MAP2K5: variants seen among roughly 807,000 people sequenced by gnomAD.
MAP2K5 encodes the protein dual specificity mitogen-activated protein kinase kinase 5.
Under a neutral mutation model 83.1 loss-of-function variants are expected in MAP2K5, and 49 were observed. The ratio of observed to expected loss-of-function variants is 0.59; its 90% CI spans 0.47 to 0.75. The LOEUF is 0.75. Ranked by LOEUF, MAP2K5 falls within the 30% of genes least tolerant of loss-of-function variation. MAP2K5 has a pLI of 0.00. For synonymous variants in MAP2K5, 202 were observed against 191.8 expected (o/e 1.05, Z -0.44); for missense variants, 457 against 557.5 (o/e 0.82, Z 1.82).
chr15:67,598,551 C>A, intron 7 of MAP2K5, among the ~76,000 whole-genome samples: 1 of 152,208 alleles, frequency 6.6e-6, no homozygotes, highest in East Asian at 1.9e-4. Context: ...TGTGCCCTGA[C>A]AGTGTTGGAT....
intron 2 of MAP2K5, among the ~76,000 whole-genome samples, chr15:67,551,806 A>G (rs1030638918): frequency 3.9e-5 from 6 of 152,240 alleles, no homozygotes; most frequent in African/African-American, 1.4e-4. Context: ...TAATGGATTA[A>G]TAAATTACTA....
intron 7 of MAP2K5, among the ~76,000 whole-genome samples, chr15:67,595,155 A>C (rs764607520): frequency 2.6e-5 from 4 of 152,232 alleles, no homozygotes; most frequent in Non-Finnish European, 5.9e-5. Flanking sequence ...ATGATTCTTC[A>C]AGATAATCAA....
At chr15:67,618,466 A>G (rs928234289) in intron 8 of MAP2K5, among the ~76,000 whole-genome samples, 3 of 152,164 alleles carry the variant, frequency 2.0e-5, no homozygotes, top group African/African-American at 7.2e-5. Context: ...TATCATCTGT[A>G]TGCTGAGGAA....
At chr15:67,675,669 AG>A (rs1840526687) in intron 13 of MAP2K5, among the ~76,000 whole-genome samples, 1 of 152,232 alleles carries the variant, frequency 6.6e-6, no homozygotes, top group Admixed American at 6.5e-5. Flanking sequence ...GTAAATCTAT[AG>A]TTATCTCAAA....
chr15:67,624,285 G>A (rs889263172), intron 8 of MAP2K5, among the ~76,000 whole-genome samples: 1 of 147,552 alleles, frequency 6.8e-6, no homozygotes, highest in African/African-American at 2.5e-5. Context: ...CTGGCAGTGA[G>A]CCGAGATCGC....
chr15:67,659,163 A>G (rs949762491), intron 12 of MAP2K5: 1 of 193,466 alleles, frequency 5.2e-6, no homozygotes, highest in Non-Finnish European at 1.1e-5. Context: ...TAATATACTG[A>G]TGAAATATAT....
rs2084330348 is a variant in MAP2K5, at chr15:67,543,258, G to T, written c.-78G>T. On this transcript the variant is annotated 5_prime_UTR_variant, in exon 1 of 22. Coordinates refer to ENST00000178640, the MANE Select transcript of MAP2K5 (RefSeq NM_145160.3). This position sits in a 1 kb window ranked among gnomAD's most constrained non-coding sequence, Gnocchi z 4.3. ...CTGTCCTCTGCCCGTCACTCCCCTT[G>T]TCACCTCTTGGAGCCCCCTCCTAAC... 5 of 1,487,544 alleles carry T rather than the reference G, an allele frequency of 3.4e-6. No homozygotes were observed. The South Asian group carries it at 5.9e-5, about 17-fold the overall frequency. 92.1% of individuals were successfully genotyped at this position (1,487,544 alleles called of 1,614,324 possible).
Position 67,774,161 on chromosome 15 carries a change from GTGTGTA to G in MAP2K5, c.1242+1415_1242+1420del, listed in dbSNP as rs1383000754. On this transcript the variant is annotated intron_variant, in intron 21 of 21. Coordinates refer to ENST00000178640, the MANE Select transcript of MAP2K5 (RefSeq NM_145160.3). The surrounding 1 kb of genome is among the most constrained non-coding windows in gnomAD (Gnocchi z 4.9). ...TCAGTGCCTTGAAAGCAAGTGATGT[GTGTGTA>G]TGTGTGTGTGTGTGTGTGTGTGTGT... is the stretch of plus-strand genomic sequence containing the variant. 5.1e-4 allele frequency among the ~76,000 whole-genome samples: 20 copies of G among 39,262 alleles called. No individual in the cohort carries two copies. In the South Asian group the frequency reaches 6.3e-3, roughly 12 times the overall value. The allele number at this position is 39,262 out of a possible 152,430, so 25.8% of individuals were successfully genotyped here. A position where few individuals can be genotyped will look rare whatever the true frequency, so the allele number is the denominator to read the frequency against.
intron 8 of MAP2K5, among the ~76,000 whole-genome samples, chr15:67,606,719 T>C (rs534405082): frequency 6.6e-6 from 1 of 152,326 alleles, no homozygotes; most frequent in East Asian, 1.9e-4. Flanking sequence ...GCTGGAATCA[T>C]ATTAGCTCAT....
intron 21 of MAP2K5, among the ~76,000 whole-genome samples, chr15:67,804,542 G>A (rs1387454153): frequency 6.6e-6 from 1 of 152,258 alleles, no homozygotes; most frequent in Non-Finnish European, 1.5e-5. Flanking sequence ...GGGGCACTTG[G>A]GCAAACTGCC....
intron 21 of MAP2K5, among the ~76,000 whole-genome samples, chr15:67,787,086 A>T (rs4238411): frequency 0.41 from 62,317 of 152,012 alleles, 13,573 homozygotes; most frequent in East Asian, 0.7. Context: ...AGTTGGACGC[A>T]CTTGTTGGTT....
chr15:67,792,051 G>A (rs1398309078), intron 21 of MAP2K5, among the ~76,000 whole-genome samples: 1 of 152,202 alleles, frequency 6.6e-6, no homozygotes, highest in Non-Finnish European at 1.5e-5. Context: ...CTGCTCACCT[G>A]CATTGGTGAG....
chr15:67,590,483 C>CTCTCTCTCTCTCTCTT (rs2085382535), intron 6 of MAP2K5, among the ~76,000 whole-genome samples: 2 of 143,526 alleles, frequency 1.4e-5, no homozygotes, highest in Non-Finnish European at 1.5e-5. Flanking sequence ...CTCTTTGTTT[C>CTCTCTCTCTCTCTCTT]TTTTTGAGAC....
chr15:67,549,265 T>C, intron 1 of MAP2K5: 1 of 1,391,278 alleles, frequency 7.2e-7, no homozygotes, highest in Non-Finnish European at 9.8e-7. Context: ...TTCATGTGTT[T>C]TCAACTTTAT....
Position 67,600,748 on chromosome 15 carries a change from A to G in MAP2K5, c.544A>G (p.Lys182Glu). ...LGHGNGGTVYKAYHVPSGKIL... is the reference protein window; with the variant it reads ...LGHGNGGTVYEAYHVPSGKIL... Reference sequence around the variant, plus strand: ...TCATGGCAACGGAGGCACAGTCTACAAGTGAGTAGTCAATTTTGTTTAAAC... The same window carrying G: ...TCATGGCAACGGAGGCACAGTCTACGAGTGAGTAGTCAATTTTGTTTAAAC... Residue 182 changes from lysine (K) to glutamate (E), a missense_variant and splice_region_variant, in exon 8 of 22, where the codon AAA becomes GAA. Physicochemically the swap from Lys to Glu is moderately conservative, Grantham distance 56. Around this residue, in one of 3 missense-constraint regions of MAP2K5, gnomAD observed 234 missense variants for 243.6 expected, o/e 0.96. Coordinates refer to ENST00000178640, the MANE Select transcript of MAP2K5 (RefSeq NM_145160.3). The G allele has an allele frequency of 6.2e-7, 1 of 1,600,274 alleles. No individual in the cohort carries two copies. Among genetic ancestry groups the G allele is most frequent in the South Asian group, 1.1e-5 (1 of 88,622 alleles).
chr15:67,631,664 A>G (rs796408587), intron 9 of MAP2K5, among the ~76,000 whole-genome samples: 7 of 152,284 alleles, frequency 4.6e-5, no homozygotes, highest in African/African-American at 1.4e-4. Flanking sequence ...ACTTGTTCCC[A>G]TGCAATTCAT....
intron 13 of MAP2K5, among the ~76,000 whole-genome samples, chr15:67,666,200 G>A (rs1046869760): frequency 6.6e-6 from 1 of 152,156 alleles, no homozygotes; most frequent in Non-Finnish European, 1.5e-5. Flanking sequence ...ATTCTGGCTT[G>A]TAATGAAATC....
At chr15:67,772,626 C>A in intron 20 of MAP2K5, 81 bp from the exon 21 acceptor site, 1 of 858,208 alleles carries the variant, frequency 1.2e-6, no homozygotes, top group Non-Finnish European at 1.8e-6. Context: ...AATTCCAGTA[C>A]AAATAGCCAT....
rs996726988 is a variant in MAP2K5 at position 67,561,951 on chromosome 15, C to T, written c.185-1332C>T. ...CCTCTGTACTTTCAGTAAGCATCCC[C>T]TGACCATGTTGGGCAAGCTTATTCT... On this transcript the variant is annotated intron_variant, in intron 2 of 21. Coordinates refer to ENST00000178640, the MANE Select transcript of MAP2K5 (RefSeq NM_145160.3). This position sits in a 1 kb window ranked among gnomAD's most constrained non-coding sequence, Gnocchi z 4.2. Among the ~76,000 whole-genome samples, 22 of 152,204 alleles carry T rather than the reference C, an allele frequency of 1.4e-4. No homozygotes were observed. The highest frequency in any genetic ancestry group is 5.1e-4 in the African/African-American group (21 of 41,434).
Sources: allele counts gnomAD v4.1 joint callset (sites outside exome capture counted in the v4.1 genomes callset), GRCh38; gene constraint gnomAD v4.1.1; regional missense constraint gnomAD v4.1.1; non-coding constraint Gnocchi (gnomAD v3.1); transcripts MANE v1.5; gene names NCBI Gene and HGNC (gene_info 2026-07-23, HGNC 2026-07-21).